Variants in TLE2 observed in about 807,000 individuals in gnomAD.
TLE2 encodes TLE family member 2, transcriptional corepressor.
A neutral mutation model predicts 97.2 loss-of-function variants in TLE2; 74 were observed. That is an observed-to-expected ratio of 0.76 (90% confidence interval 0.63 to 0.92). The LOEUF is 0.92. Ranked by LOEUF, TLE2 falls within the 40% of genes least tolerant of loss-of-function variation. The pLI is 0.00. For synonymous variants in TLE2, 499 were observed against 432.1 expected (o/e 1.15, Z -1.92); for missense variants, 1,038 against 1,008.7 (o/e 1.03, Z -0.39).
At chr19:3,037,845 G>C (rs1448297766) in intron 1 of TLE2, among the ~76,000 whole-genome samples, 1 of 152,168 alleles carries the variant, frequency 6.6e-6, no homozygotes, top group Non-Finnish European at 1.5e-5. Context: ...TAGTAGGCCG[G>C]GTGCAGTGGC....
At chr19:3,029,900 G>A (rs2090008918), upstream of TLE2, among the ~76,000 whole-genome samples, 1 of 151,990 alleles carries the variant, frequency 6.6e-6, no homozygotes, top group South Asian at 2.1e-4. Context: ...GGGCTCAAGC[G>A]ATCCTTCCCC....
Position 3,019,623 on chromosome 19 carries a change from A to G in TLE2, c.369+76T>C. 6.4e-7 allele frequency: 1 copy of G among 1,553,748 alleles called. No individual in the cohort carries two copies. Among genetic ancestry groups the G allele is most frequent in the South Asian group, 1.2e-5 (1 of 84,324 alleles). On this transcript the variant is annotated intron_variant, in intron 6 of 19. Transcript: ENST00000262953. This position sits in a 1 kb window ranked among gnomAD's most constrained non-coding sequence, Gnocchi z 5.1. ...AAGGCCCACACACCACCCCAGCTTT[A>G]ACACCTCCTGGGTGGGTGCCAGGGA...
rs774648503 is a variant in TLE2, at chr19:3,006,594, C to A, written c.1326G>T (p.Ala442=). ...GCTGCCGGGCGTGCCGCGGGATGCC[C>A]GCGCCTACCAGTGCATCCGAGGGGA... ...VPFPSDALVG[A]GIPRHARQLH... is the part of the protein sequence containing the mutation. The change falls in exon 15 of 20, where the codon GCG becomes GCT. Residue 442 remains alanine, a synonymous_variant. Coordinates refer to ENST00000262953, the MANE Select transcript of TLE2 (RefSeq NM_003260.5). 1 of 1,607,970 alleles carries A rather than the reference C, an allele frequency of 6.2e-7. No individual in the cohort carries two copies. Among genetic ancestry groups the A allele is most frequent in the Non-Finnish European group, 8.5e-7 (1 of 1,177,860 alleles).
Position 3,011,078 on chromosome 19 carries a change from G to A in TLE2, c.956C>T (p.Ser319Leu), listed in dbSNP as rs769230518. 9.9e-6 allele frequency: 16 copies of A among 1,609,230 alleles called. No individual in the cohort carries two copies. Among genetic ancestry groups the A allele is most frequent in the East Asian group, 6.7e-5 (3 of 44,772 alleles). ...AGCAAGCTGGCAGAGGTGACTGGCC[G>A]AGCTGGGCCCGGGGGTGGAAGCGTC... is the stretch of plus-strand genomic sequence containing the variant. ...PQDASTPGPS[S>L]ASHLCQLAAK... The change falls in exon 12 of 20, where the codon TCG becomes TTG. Residue 319 changes from serine to leucine, a missense_variant. Physicochemically the swap from Ser to Leu is moderately radical, Grantham distance 145 (BLOSUM62 -2). Transcript: ENST00000262953.
chr19:3,021,403 CA>C (rs1003076338), intron 5 of TLE2, among the ~76,000 whole-genome samples: 9 of 141,498 alleles, frequency 6.4e-5, no homozygotes, highest in East Asian at 2.1e-4. Flanking sequence ...GACTCAGTCT[CA>C]AAAAAAAAAG....
intron 11 of TLE2, among the ~76,000 whole-genome samples, 172 bp downstream of exon 11, chr19:3,013,497 A>G (rs2089638384): frequency 6.6e-6 from 1 of 152,038 alleles, no homozygotes; most frequent in Admixed American, 6.6e-5. Flanking sequence ...ACTGAGGTTC[A>G]ACAAAGTCAG....
chr19:3,028,799 G>C lies in TLE2; in HGVS notation c.29C>G (p.Pro10Arg). Residue 10 changes from proline to arginine, a missense_variant, in exon 2 of 20, where the codon CCG (proline) becomes CGG (arginine). Physicochemically the swap from Pro to Arg is moderately radical, Grantham distance 103. Transcript: ENST00000262953. ...CTTGAAGGGCTGGCCGGACTGGAGC[G>C]GGGTCTGGGGGGGGTGTGGGGGAAA... MYPQGRHPT[P>R]LQSGQPFKFS... 1 of 1,612,578 alleles carries C rather than the reference G, an allele frequency of 6.2e-7. No homozygotes were observed. The highest frequency in any genetic ancestry group is 8.5e-7 in the Non-Finnish European group (1 of 1,179,810).
intron 1 of TLE2, among the ~76,000 whole-genome samples, chr19:3,034,758 T>C (rs1350004231): frequency 6.6e-6 from 1 of 152,014 alleles, no homozygotes; most frequent in East Asian, 1.9e-4. Flanking sequence ...ATGTTTAGTC[T>C]ACGAACACCT....
At chr19:3,024,094 C>G (rs1375408695) in intron 5 of TLE2, among the ~76,000 whole-genome samples, 2 of 148,466 alleles carry the variant, frequency 1.3e-5, no homozygotes, top group African/African-American at 5.0e-5. Context: ...CTCCTGAGTT[C>G]AAGCAATTCT....
chr19:2,998,334 A>G (rs542204778), intron 19 of TLE2, among the ~76,000 whole-genome samples: 96 of 147,932 alleles, frequency 6.5e-4, no homozygotes, highest in African/African-American at 2.3e-3. Context: ...CTAGAGTGCA[A>G]TGGTGTGATC....
At chr19:3,009,431 TC>T in intron 13 of TLE2, 110 bp downstream of exon 13, 1 of 1,311,434 alleles carries the variant, frequency 7.6e-7, no homozygotes, top group Non-Finnish European at 1.0e-6. Context: ...GAGCCAGGGC[TC>T]CCTTCCCTTT....
intron 15 of TLE2, 51 bp downstream of exon 15, chr19:3,006,369 A>G: frequency 6.3e-7 from 1 of 1,581,804 alleles, no homozygotes; most frequent in Non-Finnish European, 8.6e-7. Context: ...TTGGAACATA[A>G]GCCCCACCCC....
chr19:3,044,112 G>T (rs1281828418), intron 1 of TLE2, among the ~76,000 whole-genome samples: 1 of 151,962 alleles, frequency 6.6e-6, no homozygotes, highest in African/African-American at 2.4e-5. Flanking sequence ...GACAGAGGTT[G>T]CAGTGGGCCG....
In TLE2 at chr19:3,005,509, G is replaced by GC. The variant is rs763658500; in HGVS notation, c.1823dup (p.Leu609ProfsTer20). 1 of 1,613,578 alleles carries GC rather than the reference G, an allele frequency of 6.2e-7. No individual in the cohort carries two copies. Among genetic ancestry groups the GC allele is most frequent in the Non-Finnish European group, 8.5e-7 (1 of 1,179,784 alleles). ...CCCAGCAGCGCACCGTGTTGTCCAG[G>GC]CCCCCTGTCCAGAGCCGAGTGCCGT... On this transcript the variant is annotated frameshift_variant, in exon 17 of 20. Transcript: ENST00000262953. LOFTEE classifies it high-confidence loss of function.
chr19:2,997,959 C>T lies in TLE2; in HGVS notation c.2125-4G>A. On this transcript the variant is annotated splice_polypyrimidine_tract_variant and splice_region_variant and intron_variant, in intron 19 of 19. Transcript: ENST00000262953. ...GGACTGAGGACGACTCCTTGGACTG[C>T]CAAGGGAAGGGAGAGAGAAAAGGGC... The T allele has an allele frequency of 6.2e-7, 1 of 1,606,078 alleles. No homozygotes were observed. The highest frequency in any genetic ancestry group is 8.5e-7 in the Non-Finnish European group (1 of 1,174,832).
intron 1 of TLE2, among the ~76,000 whole-genome samples, chr19:3,040,674 G>A (rs946521800): frequency 4.0e-5 from 6 of 150,636 alleles, no homozygotes; most frequent in African/African-American, 1.5e-4. Flanking sequence ...TTAAGACAAG[G>A]TCTCACTCCG....
intron 8 of TLE2, chr19:3,016,025 C>T (rs1365317466): frequency 7.3e-6 from 4 of 549,034 alleles, no homozygotes; most frequent in South Asian, 3.1e-5. Flanking sequence ...AGACCCCCGC[C>T]TCCCGGGTTC....
rs554553399 is a variant in TLE2, at chr19:2,998,067, G to T, written c.2125-112C>A. On this transcript the variant is annotated intron_variant, in intron 19 of 19. Transcript: ENST00000262953. ...AACGGGAGGTCAGGACTCGCCTACA[G>T]AGTGACGTGTTTCTTTTTTTGAGAT... is the stretch of plus-strand genomic sequence containing the variant. 5 of 690,564 alleles carry T rather than the reference G, an allele frequency of 7.2e-6. No homozygotes were observed. The East Asian group carries it at 1.4e-4, about 19-fold the overall frequency. The allele number at this position is 690,564 out of a possible 1,614,324, so 42.8% of individuals were successfully genotyped here. A position where few individuals can be genotyped will look rare whatever the true frequency, so the allele number is the denominator to read the frequency against.
At position 3,005,953 on chromosome 19, in the gene TLE2, T is replaced by G; in HGVS notation, c.1516A>C (p.Ile506Leu). The G allele has an allele frequency of 1.2e-6, 2 of 1,610,298 alleles. No individual in the cohort carries two copies. The highest frequency in any genetic ancestry group is 1.7e-6 in the Non-Finnish European group (2 of 1,177,046). The change falls in exon 16 of 20, where the codon ATT (isoleucine) becomes CTT (leucine). Residue 506 changes from isoleucine to leucine, a missense_variant. By Grantham distance (5) the Ile-to-Leu change is conservative (BLOSUM62 2). Transcript: ENST00000262953. ...TCCGGCAGCAACTTGCAGGAACGAA[T>G]GTAGTTGTCTCGGTTCTGGGGTCGG... is the stretch of plus-strand genomic sequence containing the variant. Reference protein sequence around the residue: ...QLDCLNRDNYIRSCKLLPDGR... With the variant: ...QLDCLNRDNYLRSCKLLPDGR...
Sources: gnomAD v4.1 joint callset for allele counts (sites outside exome capture counted in the v4.1 genomes callset) on GRCh38, gnomAD v4.1.1 for gene constraint, Gnocchi (gnomAD v3.1) non-coding constraint, MANE v1.5 for transcripts, NCBI Gene and HGNC (gene_info 2026-07-23, HGNC 2026-07-21) for gene names.